Variants in SGCD observed in about 807,000 individuals in gnomAD.
The protein encoded by SGCD is sarcoglycan delta.
In SGCD, 18 loss-of-function variants were observed where a neutral mutation model predicts 36.6. The ratio of observed to expected loss-of-function variants is 0.49; its 90% confidence interval spans 0.34 to 0.73. The LOEUF (loss-of-function observed/expected upper bound fraction) is 0.73, where lower values mean the gene tolerates loss of function less well. SGCD is among the 30% of genes least tolerant of loss of function. SGCD has a pLI of 0.01. For synonymous variants in SGCD, 133 were observed against 130.6 expected (o/e 1.02, Z -0.12); for missense variants, 387 against 346.7 (o/e 1.12, Z -0.92).
chr5:155,748,601 G>A, the SGCD span, among the ~76,000 whole-genome samples: 1 of 152,068 alleles, frequency 6.6e-6, no homozygotes. Flanking sequence ...TCCAAAACAG[G>A]GAAATGGATT....
At chr5:156,539,062 G>A (rs1758242266) in intron 4 of SGCD, among the ~76,000 whole-genome samples, 1 of 151,868 alleles carries the variant, frequency 6.6e-6, no homozygotes, top group South Asian at 2.1e-4. Flanking sequence ...GTGCCCTGGG[G>A]TCCTTCTAAA....
intron 4 of SGCD, among the ~76,000 whole-genome samples, chr5:156,519,201 A>T (rs1256200497): frequency 6.6e-6 from 1 of 152,134 alleles, no homozygotes; most frequent in Non-Finnish European, 1.5e-5. Flanking sequence ...AATACTATAA[A>T]CACCTCTATG....
At chr5:156,224,378 G>T (rs1158873118) in intron 3 of SGCD, among the ~76,000 whole-genome samples, 3 of 152,046 alleles carry the variant, frequency 2.0e-5, no homozygotes, top group African/African-American at 7.2e-5. Context: ...AGCATGAAGG[G>T]GAGTGGCCCA....
chr5:156,738,217 A>ATTTAGTTTCTATCTCAC (rs1756475940), intron 7 of SGCD, among the ~76,000 whole-genome samples: 1 of 152,220 alleles, frequency 6.6e-6, no homozygotes, highest in African/African-American at 2.4e-5. Flanking sequence ...CAAATCAATT[A>ATTTAGTTTCTATCTCAC]TTTAGTTTCT....
At chr5:155,782,326 C>T in the SGCD span, among the ~76,000 whole-genome samples, 5 of 151,900 alleles carry the variant, frequency 3.3e-5, no homozygotes, top group Non-Finnish European at 7.4e-5. Context: ...CACCCGGCCT[C>T]ATTTTTATTT....
chr5:156,217,310 T>G (rs1200516083), intron 3 of SGCD, among the ~76,000 whole-genome samples: 1 of 152,178 alleles, frequency 6.6e-6, no homozygotes, highest in East Asian at 1.9e-4. Flanking sequence ...TTTTTAATAC[T>G]GTAGTGAAAC....
the SGCD span, among the ~76,000 whole-genome samples, chr5:155,758,634 G>T: frequency 6.6e-6 from 1 of 152,092 alleles, no homozygotes; most frequent in East Asian, 1.9e-4. Flanking sequence ...ACAGGAGCAC[G>T]AACCGTATTG....
chr5:156,229,882 T>G (rs771499847), intron 3 of SGCD, among the ~76,000 whole-genome samples: 8 of 152,202 alleles, frequency 5.3e-5, no homozygotes, highest in Admixed American at 3.9e-4. Flanking sequence ...TTTGTCTTTG[T>G]TGGATTGGGT....
At chr5:156,323,911 T>C (rs1053294166), upstream of SGCD, among the ~76,000 whole-genome samples, 1 of 152,236 alleles carries the variant, frequency 6.6e-6, no homozygotes, top group Non-Finnish European at 1.5e-5. Context: ...TATTAAATAC[T>C]AGCAGTGCCT....
chr5:155,880,969 A>G (rs1211508989), intron 1 of SGCD, among the ~76,000 whole-genome samples: 11 of 152,100 alleles, frequency 7.2e-5, no homozygotes, highest in Non-Finnish European at 1.6e-4. Flanking sequence ...CACCTATGTT[A>G]TTTCTTATAG....
intron 3 of SGCD, among the ~76,000 whole-genome samples, chr5:156,211,376 G>T (rs1764437246): frequency 6.6e-6 from 1 of 152,122 alleles, no homozygotes; most frequent in Non-Finnish European, 1.5e-5. Context: ...GGGAGGCCGA[G>T]GGGGGCGGAT....
intron 3 of SGCD, among the ~76,000 whole-genome samples, chr5:156,368,968 A>T (rs191766522): frequency 1.3e-5 from 2 of 152,354 alleles, no homozygotes; most frequent in African/African-American, 4.8e-5. Context: ...TCCCCTGCAA[A>T]ACTAGTCCCT....
intron 1 of SGCD, among the ~76,000 whole-genome samples, chr5:156,042,672 G>T (rs994496192): frequency 1.3e-5 from 2 of 152,178 alleles, no homozygotes; most frequent in Non-Finnish European, 2.9e-5. Context: ...TGTGTGCTCA[G>T]TCAGCTTCTG....
At chr5:155,827,672 CTTTTTTTTTTTTTT>C in the SGCD span, among the ~76,000 whole-genome samples, 11 of 64,426 alleles carry the variant, frequency 1.7e-4, no homozygotes, top group Admixed American at 2.4e-4. Flanking sequence ...CTAAATAATT[CTTTTTTTTTTTTTT>C]TTTTTTTTTG....
intron 3 of SGCD, among the ~76,000 whole-genome samples, chr5:156,208,890 G>A (rs773089929): frequency 5.9e-5 from 9 of 152,082 alleles, no homozygotes; most frequent in Non-Finnish European, 7.4e-5. Context: ...GGAAATTATA[G>A]CACCTACATG....
At chr5:156,147,553 C>G (rs1407556141) in intron 3 of SGCD, among the ~76,000 whole-genome samples, 1 of 152,104 alleles carries the variant, frequency 6.6e-6, no homozygotes, top group Non-Finnish European at 1.5e-5. Flanking sequence ...AGCAAGATTT[C>G]TGTATGCAGG....
chr5:156,283,937 C>T lies in SGCD; in HGVS notation c.-43-45597C>T, dbSNP rs562067346. Among the ~76,000 whole-genome samples the T allele has an allele frequency of 3.9e-5, 6 of 152,256 alleles. No homozygotes were observed. In the South Asian group the frequency reaches 1.2e-3, roughly 32 times the overall value. ...GTTCTTTCATTTAGGGAATAGATTG[C>T]TAAATTAACTATTCCCAGCTTTGCT... On this transcript the variant is annotated intron_variant, in intron 3 of 9. Transcript: ENST00000517913.
chr5:156,329,511 TA>T, intron 1 of SGCD, 22 bp from the exon 2 acceptor site: 1 of 1,559,228 alleles, frequency 6.4e-7, no homozygotes, highest in Non-Finnish European at 8.8e-7. Context: ...ACCTTATTTT[TA>T]ACCCATATTT....
the SGCD span, among the ~76,000 whole-genome samples, chr5:155,785,051 G>T: frequency 2.0e-5 from 3 of 151,998 alleles, no homozygotes; most frequent in Non-Finnish European, 2.9e-5. Context: ...ATACCCCAGA[G>T]AAATTCTTAC....
Sources: gnomAD v4.1 joint callset for allele counts (sites outside exome capture counted in the v4.1 genomes callset) on GRCh38, gnomAD v4.1.1 for gene constraint, MANE v1.5 for transcripts, NCBI Gene and HGNC (gene_info 2026-07-23, HGNC 2026-07-21) for gene names.